Variants in AIFM1 observed in about 807,000 individuals in gnomAD.
AIFM1 encodes apoptosis-inducing factor 1, mitochondrial.
Under a neutral mutation model 51.7 loss-of-function variants are expected in AIFM1, and 3 were observed. The observed-to-expected ratio is 0.06, with a 90% CI of 0.03 to 0.15. AIFM1 has a LOEUF of 0.15. AIFM1 is among the 10% of genes least tolerant of loss of function. The pLI is 1.00. For synonymous variants in AIFM1, 178 were observed against 179.4 expected (o/e 0.99, Z 0.06); for missense variants, 330 against 476.8 (o/e 0.69, Z 2.87).
chrX:130,131,090 C>T (rs926981787), intron 14 of AIFM1, among the ~76,000 whole-genome samples: 1 of 111,861 alleles, frequency 8.9e-6, no homozygotes, highest in African/African-American at 3.3e-5. Flanking sequence ...AATAAGGTCT[C>T]GGAGTTAATG....
At chrX:130,133,478 T>C (rs1411002795) in intron 12 of AIFM1, 23 bp from the exon 13 acceptor site, 3 of 1,198,993 alleles carry the variant, frequency 2.5e-6, no homozygotes, top group Non-Finnish European at 3.4e-6. Context: ...ATACATAACA[T>C]GAACACATGA....
At chrX:130,147,988 C>T in intron 3 of AIFM1, 112 bp from the exon 4 acceptor site, 2 of 976,164 alleles carry the variant, frequency 2.0e-6, no homozygotes, top group Non-Finnish European at 2.9e-6. Context: ...ATAAAGCTAG[C>T]AAAACATATG....
chrX:130,131,943 G>A, intron 13 of AIFM1, 144 bp from the exon 14 acceptor site: 1 of 709,180 alleles, frequency 1.4e-6, no homozygotes, highest in Non-Finnish European at 2.1e-6. Context: ...TGCGAACTCA[G>A]TTCATTGCAA....
At chrX:130,153,716 C>T (rs767244274) in intron 2 of AIFM1, among the ~76,000 whole-genome samples, 8 of 110,799 alleles carry the variant, frequency 7.2e-5, no homozygotes, top group East Asian at 5.7e-4. Flanking sequence ...TCTCCCTCTC[C>T]GTCCCCCACC....
intron 3 of AIFM1, among the ~76,000 whole-genome samples, 182 bp downstream of exon 3, chrX:130,149,287 C>T (rs529495634): frequency 2.7e-5 from 3 of 111,769 alleles, no homozygotes; most frequent in South Asian, 7.4e-4. Context: ...ATTCTCAAAC[C>T]CAAATTTCAG....
chrX:130,159,996 A>AT (rs1228285780), intron 1 of AIFM1, among the ~76,000 whole-genome samples: 3 of 110,066 alleles, frequency 2.7e-5, no homozygotes, highest in Non-Finnish European at 5.7e-5. Context: ...TAATTTTTCT[A>AT]TTTTTTGTAG....
rs1430252142 is a variant in AIFM1 at position 130,135,992 on chromosome X, G to A, written c.1305+53C>T. On this transcript the variant is annotated intron_variant, in intron 12 of 15. Transcript: ENST00000287295. ...CTTTAGCACACCACCGGGCAGACTT[G>A]TTCACAGGCTAGGGAGAATGAATTA... 12 of 1,203,474 alleles carry A rather than the reference G, an allele frequency of 1.0e-5. No individual in the cohort carries two copies. In the East Asian group the frequency reaches 3.0e-4, roughly 30 times the overall value.
intron 14 of AIFM1, among the ~76,000 whole-genome samples, 153 bp from the exon 15 acceptor site, chrX:130,130,319 T>C (rs1205860052): frequency 8.9e-6 from 1 of 112,106 alleles, no homozygotes; most frequent in Non-Finnish European, 1.9e-5. Flanking sequence ...CAGTAAACCC[T>C]GGCCTTCACC....
chrX:130,152,134 AG>A (rs2031006852), intron 2 of AIFM1, among the ~76,000 whole-genome samples: 1 of 111,588 alleles, frequency 9.0e-6, no homozygotes, highest in African/African-American at 3.3e-5. Flanking sequence ...AAAAAAGAAA[AG>A]AAAAAAAAGA....
In AIFM1 at chrX:130,136,879, G is replaced by A. The variant is rs973648526; in HGVS notation, c.1076-148C>T. 1.3e-5 allele frequency: 13 copies of A among 1,016,215 alleles called. No homozygotes were observed. The African/African-American group carries it at 2.1e-4, about 16-fold the overall frequency. 83.7% of individuals were successfully genotyped at this position (1,016,215 alleles called of 1,213,427 possible). A position where few individuals can be genotyped will look rare whatever the true frequency, so the allele number is the denominator to read the frequency against. ...AGAGCTGCAAGAACCTACACCCATG[G>A]TTCATTTTCAGCACTTCCAGGAATT... On this transcript the variant is annotated intron_variant, in intron 10 of 15. Transcript: ENST00000287295.
intron 5 of AIFM1, among the ~76,000 whole-genome samples, chrX:130,146,668 G>A (rs760568531): frequency 9.0e-6 from 1 of 110,805 alleles, no homozygotes; most frequent in East Asian, 2.8e-4. Flanking sequence ...TACTAGAATT[G>A]AGATCTAAGT....
chrX:130,138,600 G>C lies in AIFM1; in HGVS notation c.960C>G (p.Gly320=). 1 of 1,203,646 alleles carries C rather than the reference G, an allele frequency of 8.3e-7. No homozygotes were observed. ...TCACTCCTCAATACTCACCCTTTCT[G>C]CCAAGAGCACAGGCCAGTTCGCTAC... ...FLGSELACAL[G]RKARALGTEV... Residue 320 remains glycine (G), a synonymous_variant, in exon 9 of 16, where the codon GGC becomes GGG. Coordinates refer to ENST00000287295, the MANE Select transcript of AIFM1 (RefSeq NM_004208.4).
Position 130,156,556 on chromosome X carries a change from T to C in AIFM1, c.154A>G (p.Arg52Gly). 1.7e-6 allele frequency: 2 copies of C among 1,211,702 alleles called. No individual in the cohort carries two copies. The highest frequency in any genetic ancestry group is 2.2e-6 in the Non-Finnish European group (2 of 895,434). ...GATGCACCAGAGCTAGCCATTTGTC[T>C]TGTCATCTGGAGTTCTAGAGGAACA... ...WHVPLELQMTRQMASSGASGG... is the reference protein window; with the variant it reads ...WHVPLELQMTGQMASSGASGG... Residue 52 changes from arginine (R) to glycine (G), a missense_variant, in exon 2 of 16, where the codon AGA (arginine) becomes GGA (glycine). Physicochemically the swap from Arg to Gly is moderately radical, Grantham distance 125. This residue lies in a region of AIFM1 where 110 missense variants were observed against 103.1 expected (regional missense o/e 1.07). Coordinates refer to ENST00000287295, the MANE Select transcript of AIFM1 (RefSeq NM_004208.4).
In AIFM1 at chrX:130,165,818, C is replaced by A; in HGVS notation, c.-162G>T. 1 of 520,082 alleles carries A rather than the reference C, an allele frequency of 1.9e-6. No homozygotes were observed. The highest frequency in any genetic ancestry group is 3.4e-6 in the Non-Finnish European group (1 of 290,968). The allele number at this position is 520,082 out of a possible 1,213,427, so 42.9% of individuals were successfully genotyped here. On this transcript the variant is annotated 5_prime_UTR_variant, in exon 1 of 16. In the 5' UTR this introduces an upstream ATG that the reference lacks. Coordinates refer to ENST00000287295, the MANE Select transcript of AIFM1 (RefSeq NM_004208.4). ...GTGGGCATTGGACAGAGAAGCCGGC[C>A]TGCTAGAGCCGGGGAAGGGGAACGG... is the stretch of plus-strand genomic sequence containing the variant.
chrX:130,160,181 G>A (rs1228177066), intron 1 of AIFM1, among the ~76,000 whole-genome samples: 1 of 112,002 alleles, frequency 8.9e-6, no homozygotes, highest in African/African-American at 3.2e-5. Flanking sequence ...TTTGTAAAAT[G>A]TACTAAGTAT....
In AIFM1 at chrX:130,156,600, T is replaced by G. The variant is rs1353159825; in HGVS notation, c.110A>C (p.Asn37Thr). 5 of 1,209,319 alleles carry G rather than the reference T, an allele frequency of 4.1e-6. No homozygotes were observed. In the African/African-American group the frequency reaches 8.7e-5, roughly 21 times the overall value. Residue 37 changes from asparagine (N) to threonine (T), a missense_variant, in exon 2 of 16, where the codon AAC becomes ACC. Physicochemically the swap from Asn to Thr is moderately conservative, Grantham distance 65. Around this residue, in one of 4 missense-constraint regions of AIFM1, gnomAD observed 110 missense variants for 103.1 expected, o/e 1.07. Coordinates refer to ENST00000287295, the MANE Select transcript of AIFM1 (RefSeq NM_004208.4). ...AGGAACATGCCATCGCTGGAACAAG[T>G]TGCCTAAGAAACATAATTTATTAAG... ...SPRQRNRLPGNLFQRWHVPLE... is the reference protein window; with the variant it reads ...SPRQRNRLPGTLFQRWHVPLE...
intron 1 of AIFM1, among the ~76,000 whole-genome samples, chrX:130,161,403 C>T (rs191310973): frequency 0.021 from 2,157 of 105,084 alleles, 38 homozygotes; most frequent in Non-Finnish European, 0.031. Flanking sequence ...CCCAGCTACT[C>T]GGGAGGCTGA....
intron 12 of AIFM1, among the ~76,000 whole-genome samples, chrX:130,134,232 G>A (rs1223830264): frequency 2.8e-5 from 3 of 106,264 alleles, no homozygotes; most frequent in Non-Finnish European, 3.9e-5. Flanking sequence ...GCGAGACACC[G>A]CCTCAAAAAA....
chrX:130,129,690 C>T, intron 15 of AIFM1, 62 bp from the exon 16 acceptor site: 1 of 1,027,220 alleles, frequency 9.7e-7, no homozygotes, highest in Non-Finnish European at 1.4e-6. Flanking sequence ...GCCATGCCCA[C>T]ACAATGGGGC....
Sources: gnomAD v4.1 joint callset for allele counts (sites outside exome capture counted in the v4.1 genomes callset) on GRCh38, gnomAD v4.1.1 for gene constraint, gnomAD v4.1.1 regional missense constraint, MANE v1.5 for transcripts, NCBI Gene and HGNC (gene_info 2026-07-23, HGNC 2026-07-21) for gene names.